Variants in NOP58 observed in about 807,000 individuals in gnomAD.
The protein encoded by NOP58 is NOP58 ribonucleoprotein.
NOP58 carries 44 observed loss-of-function variants against 71.2 expected under a neutral mutation model. The ratio of observed to expected loss-of-function variants is 0.62; its 90% CI spans 0.49 to 0.79. The LOEUF (loss-of-function observed/expected upper bound fraction) is 0.79, where lower values mean the gene tolerates loss of function less well. Among genes scored for constraint, NOP58 ranks in the 30% least tolerant of loss-of-function variants. The probability of loss-of-function intolerance (pLI) is 0.00; values close to 1 mark genes in which losing one functional copy is unlikely to be tolerated. For synonymous variants in NOP58, 228 were observed against 200.3 expected (o/e 1.14, Z -1.17); for missense variants, 538 against 620.2 (o/e 0.87, Z 1.41).
intron 4 of NOP58, 111 bp downstream of exon 4, chr2:202,282,583 T>G (rs1688724455): frequency 1.8e-6 from 2 of 1,135,200 alleles, no homozygotes; most frequent in Non-Finnish European, 2.4e-6. Context: ...AATACATTTT[T>G]TTCTTTTCTC....
chr2:202,297,265 T>A, intron 10 of NOP58, 114 bp from the exon 11 acceptor site: 1 of 915,872 alleles, frequency 1.1e-6, no homozygotes, highest in Non-Finnish European at 1.6e-6. Flanking sequence ...ATACGATGGA[T>A]GATTTGAATT....
In NOP58 at chr2:202,265,843, G is replaced by A. The variant is rs568991461; in HGVS notation, c.-99G>A. Reference sequence around the variant, plus strand: ...CGGCGAGCGCATTTGTGCTTTGCCCGCCGCGGCCTAGGAGGCCTTTTGAGG... The same window carrying A: ...CGGCGAGCGCATTTGTGCTTTGCCCACCGCGGCCTAGGAGGCCTTTTGAGG... On this transcript the variant is annotated 5_prime_UTR_variant, in exon 1 of 15. Transcript: ENST00000264279. The A allele has an allele frequency of 1.7e-5, 23 of 1,389,730 alleles. No homozygotes were observed. The highest frequency in any genetic ancestry group is 2.3e-5 in the South Asian group (2 of 85,342). 86.1% of individuals were successfully genotyped at this position (1,389,730 alleles called of 1,614,324 possible). A position where few individuals can be genotyped will look rare whatever the true frequency, so the allele number is the denominator to read the frequency against.
intron 1 of NOP58, among the ~76,000 whole-genome samples, chr2:202,269,877 C>T (rs908306089): frequency 6.6e-6 from 1 of 152,220 alleles, no homozygotes; most frequent in African/African-American, 2.4e-5. Context: ...GTACGTATAA[C>T]CATTTCACAT....
intron 10 of NOP58, 28 bp from the exon 11 acceptor site, chr2:202,297,351 A>G (rs1689011445): frequency 1.2e-6 from 2 of 1,602,232 alleles, no homozygotes; most frequent in South Asian, 2.2e-5. Flanking sequence ...CTGAACATGG[A>G]ATATAGTTCT....
chr2:202,279,352 G>A (rs1204964101), intron 3 of NOP58, among the ~76,000 whole-genome samples: 7 of 152,158 alleles, frequency 4.6e-5, no homozygotes, highest in Non-Finnish European at 7.3e-5. Flanking sequence ...CATACTGATT[G>A]TCAGATTTAT....
rs373399368 is a variant in NOP58, at chr2:202,265,892, T to C, written c.-50T>C. 10 of 1,612,470 alleles carry C rather than the reference T, an allele frequency of 6.2e-6. No individual in the cohort carries two copies. Among genetic ancestry groups the C allele is most frequent in the Non-Finnish European group, 8.5e-6 (10 of 1,178,914 alleles). On this transcript the variant is annotated 5_prime_UTR_variant, in exon 1 of 15. Transcript: ENST00000264279. Reference sequence around the variant, plus strand: ...GGCCGCGTAGTCGGTGTTTTTGAACTGACTCTACAGCTTCTGGCAGGCCGT... The same window carrying C: ...GGCCGCGTAGTCGGTGTTTTTGAACCGACTCTACAGCTTCTGGCAGGCCGT...
In NOP58 at chr2:202,284,421, G is replaced by A; in HGVS notation, c.374G>A (p.Gly125Glu). Reference sequence around the variant, plus strand: ...AGAGGAATTCGTTCACAAATGGATGGATTAATCCCTGGGGTAGAACCACGT... The same window carrying A: ...AGAGGAATTCGTTCACAAATGGATGAATTAATCCCTGGGGTAGAACCACGT... The part of the protein sequence containing the change: ...LMRGIRSQMD[G>E]LIPGVEPREM... Residue 125 changes from glycine (G) to glutamate (E), a missense_variant, in exon 5 of 15, where the codon GGA becomes GAA. Transcript: ENST00000264279. The A allele has an allele frequency of 1.9e-6, 3 of 1,613,916 alleles. No individual in the cohort carries two copies. The highest frequency in any genetic ancestry group is 2.5e-6 in the Non-Finnish European group (3 of 1,179,856).
intron 5 of NOP58, 115 bp from the exon 6 acceptor site, chr2:202,287,545 C>G: frequency 1.4e-6 from 1 of 707,128 alleles, no homozygotes; most frequent in Admixed American, 2.5e-5. Context: ...CCAATTACAG[C>G]TCTGACTACA....
At chr2:202,290,745 G>C (rs1173088943) in intron 7 of NOP58, among the ~76,000 whole-genome samples, 1 of 152,218 alleles carries the variant, frequency 6.6e-6, no homozygotes, top group East Asian at 1.9e-4. Flanking sequence ...TTAACGTACA[G>C]AGGAACTTGA....
At chr2:202,299,107 A>G (rs937235271) in intron 12 of NOP58, among the ~76,000 whole-genome samples, 7 of 151,666 alleles carry the variant, frequency 4.6e-5, no homozygotes, top group African/African-American at 9.7e-5. Flanking sequence ...TTACAGGCAT[A>G]CACCACCACA....
intron 10 of NOP58, among the ~76,000 whole-genome samples, chr2:202,296,952 C>G (rs1490031509): frequency 6.6e-6 from 1 of 152,098 alleles, no homozygotes; most frequent in Non-Finnish European, 1.5e-5. Context: ...CCAGGATGGT[C>G]TCGATCTCCT....
chr2:202,270,143 T>G (rs1688493464), intron 1 of NOP58, among the ~76,000 whole-genome samples: 1 of 152,274 alleles, frequency 6.6e-6, no homozygotes, highest in Admixed American at 6.5e-5. Context: ...TCCAGTTTTA[T>G]AGTACACTTT....
At chr2:202,294,808 CA>C (rs987710681) in intron 9 of NOP58, among the ~76,000 whole-genome samples, 3 of 150,846 alleles carry the variant, frequency 2.0e-5, no homozygotes, top group Admixed American at 6.6e-5. Context: ...ACTAAAAATA[CA>C]AAAAAAAATT....
At chr2:202,300,598 T>TTCC (rs1689074728) in intron 13 of NOP58, among the ~76,000 whole-genome samples, 1 of 152,180 alleles carries the variant, frequency 6.6e-6, no homozygotes, top group Admixed American at 6.5e-5. Flanking sequence ...TTACTAAGAG[T>TTCC]TCCAAAACTT....
chr2:202,285,484 T>C (rs763079308), intron 5 of NOP58, among the ~76,000 whole-genome samples: 5 of 151,574 alleles, frequency 3.3e-5, no homozygotes, highest in Non-Finnish European at 7.4e-5. Flanking sequence ...TAGCTGGGAC[T>C]GCAAGTGTGC....
intron 6 of NOP58, 83 bp from the exon 7 acceptor site, chr2:202,290,240 T>A (rs1688862768): frequency 8.5e-7 from 1 of 1,181,776 alleles, no homozygotes; most frequent in Non-Finnish European, 1.2e-6. Context: ...GTGCCCAGCC[T>A]GAAGTGTTAA....
chr2:202,280,622 G>A (rs1376872335), intron 3 of NOP58, among the ~76,000 whole-genome samples: 2 of 149,514 alleles, frequency 1.3e-5, no homozygotes, highest in Non-Finnish European at 2.9e-5. Flanking sequence ...ATGAGCCACC[G>A]TGCCTGGCCA....
At chr2:202,295,041 C>T (rs953819782) in intron 9 of NOP58, among the ~76,000 whole-genome samples, 2 of 151,412 alleles carry the variant, frequency 1.3e-5, no homozygotes, top group African/African-American at 4.9e-5. Context: ...TACTGCACAA[C>T]GGAGAGGGCT....
chr2:202,284,486 G>C lies in NOP58; in HGVS notation c.434+5G>C, dbSNP rs567458998. The C allele has an allele frequency of 6.2e-7, 1 of 1,609,470 alleles. No individual in the cohort carries two copies. The highest frequency in any genetic ancestry group is 8.5e-7 in the Non-Finnish European group (1 of 1,178,888). The stretch of plus-strand genomic sequence containing the variant: ...GTGTCTTGGATTGGCTCACAGGTGA[G>C]AATTACTGGAAAATAAAGTCAACTT... On this transcript the variant is annotated splice_donor_5th_base_variant and intron_variant, in intron 5 of 14. Coordinates refer to ENST00000264279, the MANE Select transcript of NOP58 (RefSeq NM_015934.5).
Sources: allele counts gnomAD v4.1 joint callset (sites outside exome capture counted in the v4.1 genomes callset), GRCh38; gene constraint gnomAD v4.1.1; transcripts MANE v1.5; gene names NCBI Gene and HGNC (gene_info 2026-07-23, HGNC 2026-07-21).